SELENOS: variants seen among roughly 807,000 people sequenced by gnomAD.
SELENOS encodes selenoprotein S.
SELENOS carries 37 observed loss-of-function variants against 30.2 expected under a neutral mutation model. The ratio of observed to expected loss-of-function variants is 1.23; its 90% confidence interval spans 0.94 to 1.61. The LOEUF is 1.61. Among genes scored for constraint, SELENOS ranks in the 40% most tolerant of loss-of-function variants. The probability of loss-of-function intolerance (pLI) is 0.00; values close to 1 mark genes in which losing one functional copy is unlikely to be tolerated. For synonymous variants in SELENOS, 119 were observed against 91.6 expected (o/e 1.30, Z -1.71); for missense variants, 289 against 231.8 (o/e 1.25, Z -1.60).
At chr15:101,276,005 T>A (rs2141298535) in intron 2 of SELENOS, among the ~76,000 whole-genome samples, 1 of 147,986 alleles carries the variant, frequency 6.8e-6, no homozygotes, top group African/African-American at 2.5e-5. Context: ...CACTGCAATC[T>A]CCAGCTCCCA....
chr15:101,275,434 T>A (rs1596465889), intron 2 of SELENOS, 73 bp from the exon 3 acceptor site: 1 of 1,236,552 alleles, frequency 8.1e-7, no homozygotes, highest in East Asian at 2.7e-5. Context: ...GTGTCCATAT[T>A]ATTAAAAGTA....
At chr15:101,275,965 A>G (rs2039321600) in intron 2 of SELENOS, among the ~76,000 whole-genome samples, 1 of 150,316 alleles carries the variant, frequency 6.7e-6, no homozygotes, top group South Asian at 2.1e-4. Flanking sequence ...TCTGTTGCCC[A>G]GGCTGGAGTG....
At position 101,272,875 on chromosome 15, in the gene SELENOS, A is replaced by C. The variant is rs1260545109; in HGVS notation, c.485-19T>G. ...TTATAACCTGGGAGGACAGAAAAGC[A>C]GCACAACAGTATTGATAAAAATCTG... On this transcript the variant is annotated intron_variant, in intron 5 of 5. Coordinates refer to ENST00000526049, the MANE Select transcript of SELENOS (RefSeq NM_018445.6). 1 of 1,591,764 alleles carries C rather than the reference A, an allele frequency of 6.3e-7. No individual in the cohort carries two copies. The highest frequency in any genetic ancestry group is 1.1e-5 in the South Asian group (1 of 87,556).
chr15:101,272,723 G>C lies in SELENOS; in HGVS notation c.*48C>G, dbSNP rs2039281253. The C allele has an allele frequency of 1.3e-6, 2 of 1,549,832 alleles. No homozygotes were observed. Among genetic ancestry groups the C allele is most frequent in the Non-Finnish European group, 1.8e-6 (2 of 1,140,920 alleles). On this transcript the variant is annotated 3_prime_UTR_variant, in exon 6 of 6. Coordinates refer to ENST00000526049, the MANE Select transcript of SELENOS (RefSeq NM_018445.6). ...GCGTGCGTAAGGCAATTGAATCGAG[G>C]GTTAAGGGTTCATCTTGCTAATGTC...
chr15:101,274,118 A>C, intron 5 of SELENOS: 5 of 447,054 alleles, frequency 1.1e-5, no homozygotes, highest in East Asian at 4.1e-5. Context: ...GAAAGACCAA[A>C]ACCACTGTGT....
chr15:101,272,957 C>T lies in SELENOS; in HGVS notation c.485-101G>A, dbSNP rs1596464806. The stretch of plus-strand genomic sequence containing the variant: ...AATTATGAGAGTGACACGCAAAGCA[C>T]TGCAAAGATACAGATCCTAAGGGAC... On this transcript the variant is annotated intron_variant, in intron 5 of 5. Transcript: ENST00000526049. The T allele has an allele frequency of 3.8e-6, 4 of 1,044,286 alleles. No homozygotes were observed. In the East Asian group the frequency reaches 1.1e-4, roughly 28 times the overall value. 64.7% of individuals were successfully genotyped at this position (1,044,286 alleles called of 1,614,324 possible).
Position 101,276,690 on chromosome 15 carries a change from A to C in SELENOS, c.77-15T>G, listed in dbSNP as rs2039332124. The C allele has an allele frequency of 6.3e-7, 1 of 1,597,272 alleles. No homozygotes were observed. On this transcript the variant is annotated splice_polypyrimidine_tract_variant and intron_variant, in intron 1 of 5. Coordinates refer to ENST00000526049, the MANE Select transcript of SELENOS (RefSeq NM_018445.6). Reference sequence around the variant, plus strand: ...CAGGGAGCCCACTGAAAAGAAAAACAGTTTTCAAAAAACTAAAAATGACAC... The same window carrying C: ...CAGGGAGCCCACTGAAAAGAAAAACCGTTTTCAAAAAACTAAAAATGACAC...
intron 3 of SELENOS, 29 bp downstream of exon 3, chr15:101,275,226 C>T (rs1485730623): frequency 5.3e-6 from 8 of 1,512,538 alleles, no homozygotes; most frequent in South Asian, 2.6e-5. Flanking sequence ...AATTTCTATG[C>T]ACACATTCAA....
At position 101,277,428 on chromosome 15, in the gene SELENOS, G is replaced by T. The variant is rs933192045; in HGVS notation, c.-11C>A. ...CTCTTGGCGTTCCATGACCGCCGCC[G>T]CCGCCGCCGCCCAGCCCTGCCGCCG... On this transcript the variant is annotated 5_prime_UTR_variant, in exon 1 of 6. Transcript: ENST00000526049. 7 of 1,463,056 alleles carry T rather than the reference G, an allele frequency of 4.8e-6. No individual in the cohort carries two copies. Among genetic ancestry groups the T allele is most frequent in the Middle Eastern group, 2.0e-4 (1 of 4,970 alleles). The allele number at this position is 1,463,056 out of a possible 1,614,324, so 90.6% of individuals were successfully genotyped here.
chr15:101,272,550 G>A lies in SELENOS; in HGVS notation c.*221C>T. 1 of 492,426 alleles carries A rather than the reference G, an allele frequency of 2.0e-6. No homozygotes were observed. The highest frequency in any genetic ancestry group is 3.6e-6 in the Non-Finnish European group (1 of 275,310). 30.5% of individuals were successfully genotyped at this position (492,426 alleles called of 1,614,324 possible). On this transcript the variant is annotated 3_prime_UTR_variant, in exon 6 of 6. Coordinates refer to ENST00000526049, the MANE Select transcript of SELENOS (RefSeq NM_018445.6). ...GCAATTAACCATGAAATCAATGAATGCAATCACTGTCTCCAAGTAGAATGT... is the reference window on the plus strand; with the variant it reads ...GCAATTAACCATGAAATCAATGAATACAATCACTGTCTCCAAGTAGAATGT...
chr15:101,274,818 G>T, intron 3 of SELENOS, 137 bp from the exon 4 acceptor site: 1 of 927,440 alleles, frequency 1.1e-6, no homozygotes, highest in Non-Finnish European at 1.6e-6. Context: ...TAATAAAACT[G>T]TTGTGATCTG....
At chr15:101,276,483 C>T (rs2039328197) in intron 2 of SELENOS, 58 bp downstream of exon 2, 1 of 1,512,936 alleles carries the variant, frequency 6.6e-7, no homozygotes, top group African/African-American at 1.4e-5. Context: ...AAGAGACTAA[C>T]TCTTAATATA....
In SELENOS at chr15:101,277,421, C is replaced by T. The variant is rs752914998; in HGVS notation, c.-4G>A. 9.1e-6 allele frequency: 13 copies of T among 1,431,302 alleles called. No individual in the cohort carries two copies. The highest frequency in any genetic ancestry group is 3.0e-5 in the East Asian group (1 of 33,028). 88.7% of individuals were successfully genotyped at this position (1,431,302 alleles called of 1,614,324 possible). On this transcript the variant is annotated 5_prime_UTR_variant, in exon 1 of 6. Transcript: ENST00000526049. Reference sequence around the variant, plus strand: ...GAGACTCCTCTTGGCGTTCCATGACCGCCGCCGCCGCCGCCGCCCAGCCCT... The same window carrying T: ...GAGACTCCTCTTGGCGTTCCATGACTGCCGCCGCCGCCGCCGCCCAGCCCT...
At chr15:101,275,458 A>C in intron 2 of SELENOS, 97 bp from the exon 3 acceptor site, 1 of 972,136 alleles carries the variant, frequency 1.0e-6, no homozygotes, top group African/African-American at 1.7e-5. Flanking sequence ...AGAGGTATGG[A>C]TATCAGACAA....
chr15:101,273,965 G>T (rs1449271008), intron 5 of SELENOS, among the ~76,000 whole-genome samples: 1 of 152,234 alleles, frequency 6.6e-6, no homozygotes, highest in Non-Finnish European at 1.5e-5. Flanking sequence ...TCCCAGATTT[G>T]AAATTCTCAG....
rs2039279397 is a variant in SELENOS at position 101,272,602 on chromosome 15, A to G, written c.*169T>C. 3.3e-6 allele frequency: 2 copies of G among 604,102 alleles called. No homozygotes were observed. The highest frequency in any genetic ancestry group is 5.8e-6 in the Non-Finnish European group (2 of 343,646). The allele number at this position is 604,102 out of a possible 1,614,324, so 37.4% of individuals were successfully genotyped here. A position where few individuals can be genotyped will look rare whatever the true frequency, so the allele number is the denominator to read the frequency against. On this transcript the variant is annotated 3_prime_UTR_variant, in exon 6 of 6. Coordinates refer to ENST00000526049, the MANE Select transcript of SELENOS (RefSeq NM_018445.6). Reference sequence around the variant, plus strand: ...ACCAATGACCTCATGCCTAGAGGCAACATCTATACCTTTTGCTGACTGGAG... The same window carrying G: ...ACCAATGACCTCATGCCTAGAGGCAGCATCTATACCTTTTGCTGACTGGAG...
At chr15:101,277,208 G>A (rs2039338388) in intron 1 of SELENOS, 134 bp downstream of exon 1, 10 of 1,430,382 alleles carry the variant, frequency 7.0e-6, no homozygotes, top group Non-Finnish European at 9.5e-6. Flanking sequence ...CCCAAGGTCC[G>A]CGTAAGCGCC....
Position 101,276,767 on chromosome 15 carries a change from C to T in SELENOS, c.77-92G>A, listed in dbSNP as rs2039332954. 11 of 1,465,190 alleles carry T rather than the reference C, an allele frequency of 7.5e-6. No individual in the cohort carries two copies. The South Asian group carries it at 8.0e-5, about 11-fold the overall frequency. 90.8% of individuals were successfully genotyped at this position (1,465,190 alleles called of 1,614,324 possible). ...AACAAACACAAAGTGTAACTCCTGC[C>T]CTCAAAGCCTTCATGGTCTAGGCTG... On this transcript the variant is annotated intron_variant, in intron 1 of 5. Coordinates refer to ENST00000526049, the MANE Select transcript of SELENOS (RefSeq NM_018445.6).
chr15:101,270,843 A>G (rs1255531597), downstream of SELENOS: 1 of 152,142 alleles, frequency 6.6e-6, no homozygotes, highest in African/African-American at 2.4e-5. Flanking sequence ...GCTATTACAC[A>G]ACGCAAGTTT....
Sources: gnomAD v4.1 joint callset for allele counts (sites outside exome capture counted in the v4.1 genomes callset) on GRCh38, gnomAD v4.1.1 for gene constraint, MANE v1.5 for transcripts, NCBI Gene and HGNC (gene_info 2026-07-23, HGNC 2026-07-21) for gene names.